The following FHOD3 variants were observed in gnomAD, a reference collection of about 807,000 sequenced individuals.
FHOD3 encodes FH1/FH2 domain-containing protein 3.
In FHOD3, 90 loss-of-function variants were observed where a neutral mutation model predicts 173.0. The observed-to-expected ratio is 0.52, with a 90% CI of 0.44 to 0.62. The LOEUF (loss-of-function observed/expected upper bound fraction) is 0.62. Ranked by LOEUF, FHOD3 falls within the 20% of genes least tolerant of loss-of-function variation. The probability of loss-of-function intolerance (pLI) is 0.00; values close to 1 mark genes in which losing one functional copy is unlikely to be tolerated. For synonymous variants in FHOD3, 828 were observed against 823.0 expected, an observed-to-expected ratio of 1.01 and a Z score of -0.10; for missense variants, 1,945 against 2,034.7, an observed-to-expected ratio of 0.96 and a Z score of 0.85.
At chr18:36,747,502 A>AG (rs2034388045) in intron 24 of FHOD3, among the ~76,000 whole-genome samples, 1 of 152,202 alleles carries the variant, frequency 6.6e-6, no homozygotes, top group Non-Finnish European at 1.5e-5. Context: ...TTGTTAGAAA[A>AG]GTTCCTCCTT....
chr18:36,552,377 G>C (rs13380941), intron 5 of FHOD3, among the ~76,000 whole-genome samples: 9,166 of 152,204 alleles, frequency 0.06, 434 homozygotes, highest in South Asian at 0.2. Flanking sequence ...AGTTGCTTAT[G>C]AGCTTAAGGA....
Position 36,438,904 on chromosome 18 carries a change from C to G in FHOD3, c.338-63028C>G, listed in dbSNP as rs1395869448. On this transcript the variant is annotated intron_variant, in intron 3 of 28. Coordinates refer to ENST00000590592, the MANE Select transcript of FHOD3 (RefSeq NM_001281740.3). ...GGGTGAGGCCTAGACACTTTGCAGC[C>G]TGTCCTGAACAACTGGGCTCATCTG... Among the ~76,000 whole-genome samples the G allele has an allele frequency of 2.0e-5, 3 of 152,364 alleles. No homozygotes were observed. The East Asian group carries it at 5.8e-4, about 29-fold the overall frequency.
intron 1 of FHOD3, among the ~76,000 whole-genome samples, chr18:36,344,471 TG>T (rs1170905574): frequency 6.6e-6 from 1 of 151,964 alleles, no homozygotes; most frequent in African/African-American, 2.4e-5. Flanking sequence ...GTCTGAGAAG[TG>T]ATGGCACTAA....
At chr18:36,449,923 T>TA (rs535601548) in intron 3 of FHOD3, among the ~76,000 whole-genome samples, 21 of 150,572 alleles carry the variant, frequency 1.4e-4, no homozygotes, top group South Asian at 1.1e-3. Flanking sequence ...TCATTTAAAT[T>TA]AAAAAAAAAA....
intron 3 of FHOD3, among the ~76,000 whole-genome samples, chr18:36,495,896 C>A (rs902283269): frequency 6.6e-6 from 1 of 152,162 alleles, no homozygotes; most frequent in Non-Finnish European, 1.5e-5. Flanking sequence ...ATAACCCAGA[C>A]TGAAAATACC....
At chr18:36,708,976 G>A (rs1335982962) in intron 17 of FHOD3, 119 bp from the exon 18 acceptor site, 3 of 1,250,516 alleles carry the variant, frequency 2.4e-6, no homozygotes, top group Non-Finnish European at 1.1e-6. Flanking sequence ...TAGGTCTCTT[G>A]GGGGCCATCT....
intron 1 of FHOD3, among the ~76,000 whole-genome samples, chr18:36,322,876 A>G (rs2044472204): frequency 6.6e-6 from 1 of 152,074 alleles, no homozygotes; most frequent in African/African-American, 2.4e-5. Context: ...CATTCCACTG[A>G]CACTTACTGC....
chr18:36,718,350 G>A lies in FHOD3; in HGVS notation c.3052G>A (p.Ala1018Thr). Residue 1018 changes from alanine (A) to threonine (T), a missense_variant, in exon 19 of 29, where the codon GCC (alanine) becomes ACC (threonine). Around this residue, in one of 5 missense-constraint regions of FHOD3, gnomAD observed 1,099 missense variants for 1,051.2 expected, o/e 1.05. Transcript: ENST00000590592. ...AGATGTGGACCTGGGTCACAGGGAG[G>A]CCCCTGGGCCACCTCCCCCACCCCC... ...VLDVDLGHRE[A>T]PGPPPPPPPT... 1 of 1,612,294 alleles carries A rather than the reference G, an allele frequency of 6.2e-7. No homozygotes were observed. The highest frequency in any genetic ancestry group is 8.5e-7 in the Non-Finnish European group (1 of 1,179,464).
At chr18:36,524,197 G>A (rs1014490831) in intron 5 of FHOD3, among the ~76,000 whole-genome samples, 9 of 151,462 alleles carry the variant, frequency 5.9e-5, no homozygotes, top group African/African-American at 1.7e-4. Context: ...CAGGAGAATC[G>A]CTTGAATTCA....
Position 36,576,963 on chromosome 18 carries a change from C to T in FHOD3, c.606+418C>T, listed in dbSNP as rs187882553. On this transcript the variant is annotated intron_variant, in intron 6 of 28. Transcript: ENST00000590592. ...TAAAAATTAGCTGGGCATGGTGGCA[C>T]GCGCCTGTAGTCCCAGCTGCTCGGG... Among the ~76,000 whole-genome samples, 638 of 151,978 alleles carry T rather than the reference C, an allele frequency of 4.2e-3. 4 individuals are homozygous for T. Among genetic ancestry groups the T allele is most frequent in the Non-Finnish European group, 7.0e-3 (473 of 67,958 alleles).
At chr18:36,594,494 T>C (rs2029964638) in intron 6 of FHOD3, among the ~76,000 whole-genome samples, 1 of 152,002 alleles carries the variant, frequency 6.6e-6, no homozygotes, top group Non-Finnish European at 1.5e-5. Flanking sequence ...AGTTGCCAGG[T>C]GTGAGTTCTG....
chr18:36,692,824 C>T (rs1258467596), intron 16 of FHOD3, among the ~76,000 whole-genome samples: 1 of 152,164 alleles, frequency 6.6e-6, no homozygotes, highest in African/African-American at 2.4e-5. Flanking sequence ...AGGCACCCAC[C>T]CATTTCACAG....
intron 5 of FHOD3, among the ~76,000 whole-genome samples, chr18:36,527,948 T>G (rs898135342): frequency 6.6e-6 from 1 of 152,160 alleles, no homozygotes; most frequent in Non-Finnish European, 1.5e-5. Context: ...GGGCAGTCCT[T>G]CGTAAATACC....
At chr18:36,445,861 T>C (rs2051441021) in intron 3 of FHOD3, among the ~76,000 whole-genome samples, 1 of 152,208 alleles carries the variant, frequency 6.6e-6, no homozygotes, top group African/African-American at 2.4e-5. Context: ...GGTTATAGTT[T>C]CCTGGATCTT....
chr18:36,386,846 G>A (rs991246844), intron 3 of FHOD3, among the ~76,000 whole-genome samples: 1 of 152,100 alleles, frequency 6.6e-6, no homozygotes, highest in African/African-American at 2.4e-5. Flanking sequence ...CTAGCTTGGG[G>A]GGATTGGAGA....
intron 3 of FHOD3, among the ~76,000 whole-genome samples, chr18:36,445,754 C>A (rs1272049343): frequency 6.6e-6 from 1 of 152,136 alleles, no homozygotes; most frequent in Non-Finnish European, 1.5e-5. Flanking sequence ...GTTTTTCTTT[C>A]CATTCGAGGT....
intron 17 of FHOD3, among the ~76,000 whole-genome samples, chr18:36,702,159 G>T (rs555206562): frequency 6.6e-6 from 1 of 152,198 alleles, no homozygotes; most frequent in South Asian, 2.1e-4. Flanking sequence ...TCTCCTGGGG[G>T]ACATTTGGCA....
intron 19 of FHOD3, among the ~76,000 whole-genome samples, chr18:36,725,213 T>A (rs895824586): frequency 2.0e-5 from 3 of 152,206 alleles, no homozygotes; most frequent in African/African-American, 7.2e-5. Context: ...AGGGCAGAGC[T>A]TTGGCTAATT....
chr18:36,643,758 T>A (rs970969907), intron 10 of FHOD3, among the ~76,000 whole-genome samples: 6 of 152,202 alleles, frequency 3.9e-5, no homozygotes, highest in South Asian at 2.1e-4. Context: ...TTTGTTCATT[T>A]TATAGTTGTG....
Sources: gnomAD v4.1 joint callset for allele counts (sites outside exome capture counted in the v4.1 genomes callset) on GRCh38, gnomAD v4.1.1 for gene constraint, gnomAD v4.1.1 regional missense constraint, MANE v1.5 for transcripts, NCBI Gene and HGNC (gene_info 2026-07-23, HGNC 2026-07-21) for gene names.